Variants in CSNK1G2 observed in about 807,000 individuals in gnomAD.
The protein encoded by CSNK1G2 is casein kinase 1 gamma 2, also known as casein kinase I isoform gamma-2.
A neutral mutation model predicts 48.0 loss-of-function variants in CSNK1G2; 11 were observed. The observed-to-expected ratio is 0.23, with a 90% CI of 0.14 to 0.38. The LOEUF (loss-of-function observed/expected upper bound fraction) is 0.38. CSNK1G2 is among the 10% of genes least tolerant of loss of function. The pLI, the probability that CSNK1G2 is intolerant of heterozygous loss-of-function variation, is 1.00. For synonymous variants in CSNK1G2, 337 were observed against 254.1 expected (o/e 1.33, Z -3.10); for missense variants, 446 against 595.5 (o/e 0.75, Z 2.61).
intron 1 of CSNK1G2, among the ~76,000 whole-genome samples, chr19:1,947,754 C>T (rs538729651): frequency 6.6e-6 from 1 of 152,228 alleles, no homozygotes; most frequent in Non-Finnish European, 1.5e-5. Flanking sequence ...TTTGCGCTGG[C>T]GTCTGCACAG....
chr19:1,977,684 CAA>C (rs1451761261), intron 2 of CSNK1G2, among the ~76,000 whole-genome samples: 3 of 137,786 alleles, frequency 2.2e-5, no homozygotes, highest in Non-Finnish European at 4.5e-5. Flanking sequence ...GCCTGGGAGA[CAA>C]AGGCTGCAGT....
At chr19:1,942,225 T>A (rs1290503438) in intron 1 of CSNK1G2, among the ~76,000 whole-genome samples, 2 of 152,134 alleles carry the variant, frequency 1.3e-5, no homozygotes, top group Non-Finnish European at 2.9e-5. Context: ...GAGCAGGGCC[T>A]GCGGTGGCCT....
chr19:1,975,522 G>A (rs1437694580), intron 2 of CSNK1G2: 2 of 985,354 alleles, frequency 2.0e-6, no homozygotes, highest in Non-Finnish European at 2.4e-6. Context: ...GTGAGCCGCG[G>A]CACAGCACCA....
chr19:1,944,266 G>C (rs2014472386), intron 1 of CSNK1G2, among the ~76,000 whole-genome samples: 1 of 152,156 alleles, frequency 6.6e-6, no homozygotes, highest in African/African-American at 2.4e-5. Flanking sequence ...CCTGTTGGTT[G>C]GCGGCCTCTG....
intron 1 of CSNK1G2, among the ~76,000 whole-genome samples, chr19:1,966,834 A>C (rs1263359787): frequency 6.6e-6 from 1 of 152,144 alleles, no homozygotes; most frequent in African/African-American, 2.4e-5. Context: ...CCCGGTTCCC[A>C]TGATCATTAC....
At chr19:1,946,255 A>G (rs902876851) in intron 1 of CSNK1G2, among the ~76,000 whole-genome samples, 1 of 95,122 alleles carries the variant, frequency 1.1e-5, no homozygotes, top group Non-Finnish European at 2.5e-5. Flanking sequence ...CTGGCCCATC[A>G]CTATTTATTC....
At position 1,978,430 on chromosome 19, in the gene CSNK1G2, T is replaced by A; in HGVS notation, c.229-12T>A. 6.2e-7 allele frequency: 1 copy of A among 1,611,210 alleles called. No individual in the cohort carries two copies. The highest frequency in any genetic ancestry group is 8.5e-7 in the Non-Finnish European group (1 of 1,179,228). On this transcript the variant is annotated splice_polypyrimidine_tract_variant and intron_variant, in intron 3 of 11. Transcript: ENST00000255641. The surrounding 1 kb of genome is among the most constrained non-coding windows in gnomAD (Gnocchi z 7.3). ...GACCCGGTCCCCTGGTGACTCGCTC[T>A]TGTGCCCCCAGGAGCCGATCAAGTC...
At chr19:1,965,831 G>A (rs1329701521) in intron 1 of CSNK1G2, among the ~76,000 whole-genome samples, 1 of 151,712 alleles carries the variant, frequency 6.6e-6, no homozygotes, top group Admixed American at 6.6e-5. Flanking sequence ...CGGTCTCACT[G>A]TGTCTCCCAG....
chr19:1,951,975 C>T (rs1244521611), intron 1 of CSNK1G2, among the ~76,000 whole-genome samples: 6 of 152,186 alleles, frequency 3.9e-5, no homozygotes, highest in Admixed American at 6.5e-5. Flanking sequence ...CCACCGGGCC[C>T]GGCCATTCTC....
intron 1 of CSNK1G2, among the ~76,000 whole-genome samples, chr19:1,947,124 C>G (rs1018955678): frequency 1.3e-5 from 2 of 152,320 alleles, no homozygotes; most frequent in South Asian, 2.1e-4. Context: ...TTCGTTGATG[C>G]GTAATTGCCT....
rs760931176 is a variant in CSNK1G2 at position 1,978,876 on chromosome 19, T to C, written c.465T>C (p.Tyr155=). 8 of 1,602,778 alleles carry C rather than the reference T, an allele frequency of 5.0e-6. No homozygotes were observed. In the Admixed American group the frequency reaches 5.0e-5, roughly 10 times the overall value. ...IAIQLITRME[Y]VHTKSLIYRD... ...CCCTGCAGATCACGCGCATGGAGTA[T>C]GTGCACACCAAGAGCCTAATCTACC... Residue 155 remains tyrosine, a synonymous_variant, in exon 6 of 12, where the codon TAT becomes TAC. Transcript: ENST00000255641. The surrounding 1 kb of genome is among the most constrained non-coding windows in gnomAD (Gnocchi z 7.3).
intron 1 of CSNK1G2, among the ~76,000 whole-genome samples, chr19:1,948,591 C>G (rs1171864823): frequency 6.8e-6 from 1 of 147,548 alleles, no homozygotes; most frequent in Non-Finnish European, 1.5e-5. Flanking sequence ...TGTTCTCTTA[C>G]CAGCCTTATT....
intron 1 of CSNK1G2, among the ~76,000 whole-genome samples, chr19:1,956,609 A>G (rs1026139579): frequency 2.0e-5 from 3 of 152,200 alleles, no homozygotes; most frequent in African/African-American, 7.2e-5. Flanking sequence ...ACCCTGCGGC[A>G]TTGGCCCTTT....
Position 1,979,918 on chromosome 19 carries a change from ACTC to A in CSNK1G2, c.1096_1098del (p.Ser366del). The A allele has an allele frequency of 1.2e-6, 2 of 1,607,076 alleles. No individual in the cohort carries two copies. The highest frequency in any genetic ancestry group is 2.2e-5 in the South Asian group (2 of 90,550). Reference sequence around the variant, plus strand: ...CCCTACTGCCCCCACCAGGCGTTGAACTCCACCAACGGGGAGCTGAATGCGGAC... The same window carrying A: ...CCCTACTGCCCCCACCAGGCGTTGAACACCAACGGGGAGCTGAATGCGGAC... On this transcript the variant is annotated inframe_deletion, in exon 11 of 12. Transcript: ENST00000255641.
At chr19:1,964,733 GT>G (rs750542107) in intron 1 of CSNK1G2, among the ~76,000 whole-genome samples, 26 of 139,432 alleles carry the variant, frequency 1.9e-4, no homozygotes, top group Admixed American at 8.0e-4. Context: ...TTGTTTTTTT[GT>G]TTTTTTTTTT....
chr19:1,979,530 C>T lies in CSNK1G2; in HGVS notation c.889C>T (p.Leu297=). The T allele has an allele frequency of 6.2e-7, 1 of 1,605,248 alleles. No individual in the cohort carries two copies. The highest frequency in any genetic ancestry group is 1.1e-5 in the South Asian group (1 of 90,986). The change falls in exon 9 of 12, where the codon CTG becomes TTG. Residue 297 remains leucine (L), a synonymous_variant. Coordinates refer to ENST00000255641, the MANE Select transcript of CSNK1G2 (RefSeq NM_001319.7). The part of the protein sequence containing the change: ...MATYLRYVRR[L]DFFEKPDYDY... Reference sequence around the variant, plus strand: ...CACGTACCTGCGCTATGTGCGGCGCCTGGACTTCTTCGAGAAGCCCGACTA... The same window carrying T: ...CACGTACCTGCGCTATGTGCGGCGCTTGGACTTCTTCGAGAAGCCCGACTA...
intron 1 of CSNK1G2, chr19:1,969,024 C>T (rs749528418): frequency 2.4e-4 from 36 of 152,688 alleles, no homozygotes; most frequent in Non-Finnish European, 4.4e-4. Context: ...CTCGGTGGCT[C>T]CTGTGTCCCT....
intron 1 of CSNK1G2, among the ~76,000 whole-genome samples, chr19:1,951,374 G>T (rs1292635478): frequency 6.9e-6 from 1 of 144,100 alleles, no homozygotes; most frequent in Non-Finnish European, 1.5e-5. Context: ...CTGCACTCCA[G>T]CCTGGGCGAC....
chr19:1,978,297 C>G lies in CSNK1G2; in HGVS notation c.188-8C>G. On this transcript the variant is annotated splice_polypyrimidine_tract_variant and splice_region_variant and intron_variant, in intron 2 of 11. Transcript: ENST00000255641. This position sits in a 1 kb window ranked among gnomAD's most constrained non-coding sequence, Gnocchi z 7.3. ...CGCTGGCGGTGCTGATGGTCTCTGT[C>G]CCCGCAGGAAAGAATCTCTATACAA... The G allele has an allele frequency of 6.2e-7, 1 of 1,613,420 alleles. No individual in the cohort carries two copies. Among genetic ancestry groups the G allele is most frequent in the Non-Finnish European group, 8.5e-7 (1 of 1,179,850 alleles).
Sources: allele counts gnomAD v4.1 joint callset (sites outside exome capture counted in the v4.1 genomes callset), GRCh38; gene constraint gnomAD v4.1.1; non-coding constraint Gnocchi (gnomAD v3.1); transcripts MANE v1.5; gene names NCBI Gene and HGNC (gene_info 2026-07-23, HGNC 2026-07-21).